The following TRPA1 variants were observed in gnomAD, a reference collection of about 807,000 sequenced individuals.
TRPA1 encodes the protein ankyrin-like with transmembrane domains 1.
A neutral mutation model predicts 131.3 loss-of-function variants in TRPA1; 129 were observed. The observed-to-expected ratio is 0.98, with a 90% confidence interval of 0.85 to 1.14. The LOEUF is 1.14. TRPA1 is among the 50% of genes most tolerant of loss of function. TRPA1 has a pLI of 0.00. For synonymous variants in TRPA1, 441 were observed against 451.7 expected, an observed-to-expected ratio of 0.98 and a Z score of 0.30; for missense variants, 1,304 against 1,354.2, an observed-to-expected ratio of 0.96 and a Z score of 0.58.
At position 72,033,641 on chromosome 8, in the gene TRPA1, T is replaced by A. The variant is rs1220338228; in HGVS notation, c.2868+3A>T. 1 of 1,612,322 alleles carries A rather than the reference T, an allele frequency of 6.2e-7. No homozygotes were observed. Among genetic ancestry groups the A allele is most frequent in the South Asian group, 1.1e-5 (1 of 90,868 alleles). On this transcript the variant is annotated splice_donor_region_variant and intron_variant, in intron 23 of 26. Coordinates refer to ENST00000262209, the MANE Select transcript of TRPA1 (RefSeq NM_007332.3). ...ACAGAAAATATAAGAAAAAACTACT[T>A]ACAAGTAAATTCATGAGGACAATTG...
At chr8:72,083,083 A>C in the TRPA1 span, among the ~76,000 whole-genome samples, 6 of 151,992 alleles carry the variant, frequency 3.9e-5, no homozygotes, top group East Asian at 1.2e-3. Context: ...CCTACTAGTA[A>C]ATTTTTCATT....
At position 72,071,806 on chromosome 8, in the gene TRPA1, C is replaced by G. The variant is rs16937976; in HGVS notation, c.173G>C (p.Arg58Thr). ...QNFNKQKKLK[R>T]CDDMDTFFLH... ...GAAGAAGGTGTCCATATCGTCACAT[C>G]TTTTTAATTTCTTTTGCTTATTAAA... The change falls in exon 2 of 27, where the codon AGA becomes ACA. Residue 58 changes from arginine to threonine, a missense_variant. Coordinates refer to ENST00000262209, the MANE Select transcript of TRPA1 (RefSeq NM_007332.3). 237,710 of 1,612,664 alleles carry G rather than the reference C, an allele frequency of 0.15. 18,681 individuals carry two copies. Among genetic ancestry groups the G allele is most frequent in the Middle Eastern group, 0.24 (1,364 of 5,658 alleles).
intron 7 of TRPA1, 31 bp from the exon 8 acceptor site, chr8:72,059,469 T>C: frequency 7.4e-7 from 1 of 1,346,458 alleles, no homozygotes; most frequent in East Asian, 2.3e-5. Context: ...ACATTATAAT[T>C]AAAGTACTAT....
chr8:72,047,165 A>T lies in TRPA1; in HGVS notation c.1948T>A (p.Ser650Thr), dbSNP rs1256626046. The change falls in exon 16 of 27, where the codon TCC (serine) becomes ACC (threonine). Residue 650 changes from serine to threonine, a missense_variant. Ser to Thr is a moderately conservative substitution (Grantham distance 58, BLOSUM62 1). Transcript: ENST00000262209. ...AAACTTACATAATAGTCTCGGCAGG[A>T]CTTGTCTTCTGTGGAATGCAACATG... ...FCMLHSTEDK[S>T]CRDYYIEYNF... 6.2e-7 allele frequency: 1 copy of T among 1,610,388 alleles called. No homozygotes were observed. Among genetic ancestry groups the T allele is most frequent in the South Asian group, 1.1e-5 (1 of 90,824 alleles).
the TRPA1 span, among the ~76,000 whole-genome samples, chr8:72,088,231 T>C: frequency 4.6e-5 from 7 of 152,250 alleles, no homozygotes; most frequent in Non-Finnish European, 1.0e-4. Context: ...GTTTAGTTCA[T>C]GTTTTGCTTC....
the TRPA1 span, among the ~76,000 whole-genome samples, chr8:72,085,283 T>C: frequency 0.038 from 5,831 of 152,248 alleles, 373 homozygotes; most frequent in African/African-American, 0.13. Context: ...ATTAGCTAAA[T>C]CTTATCAATT....
At chr8:72,068,532 A>G (rs1046002896) in intron 3 of TRPA1, among the ~76,000 whole-genome samples, 7 of 152,224 alleles carry the variant, frequency 4.6e-5, no homozygotes, top group Admixed American at 3.9e-4. Context: ...AATCATAATT[A>G]TGTTTTCTGT....
chr8:72,050,742 A>C (rs1328149241), intron 15 of TRPA1, 36 bp downstream of exon 15: 4 of 1,371,760 alleles, frequency 2.9e-6, no homozygotes, highest in Non-Finnish European at 4.2e-6. Context: ...TATGTCAAGC[A>C]TAAACCCGGG....
chr8:72,059,745 T>G (rs1805762999), intron 7 of TRPA1, among the ~76,000 whole-genome samples: 1 of 152,160 alleles, frequency 6.6e-6, no homozygotes, highest in Non-Finnish European at 1.5e-5. Context: ...TGTCCCAAGA[T>G]AGAAAAGACA....
upstream of TRPA1, chr8:72,075,598 G>A (rs568799632): frequency 2.2e-4 from 131 of 606,282 alleles, 3 homozygotes; most frequent in South Asian, 2.3e-3. Flanking sequence ...GAGTTCTCAG[G>A]CCCGCGCTAC....
At chr8:72,078,772 C>G (rs1387279890), upstream of TRPA1, among the ~76,000 whole-genome samples, 1 of 151,846 alleles carries the variant, frequency 6.6e-6, no homozygotes, top group Non-Finnish European at 1.5e-5. Flanking sequence ...AGAGAGATAC[C>G]TAGTAGTGGA....
intron 10 of TRPA1, chr8:72,056,200 C>T (rs1020280984): frequency 2.7e-5 from 9 of 332,378 alleles, no homozygotes; most frequent in Non-Finnish European, 5.1e-5. Context: ...CCTCCCACCC[C>T]CAAATAACAC....
intron 17 of TRPA1, among the ~76,000 whole-genome samples, chr8:72,045,505 C>T (rs78953412): frequency 0.02 from 3,067 of 150,290 alleles, 123 homozygotes; most frequent in African/African-American, 0.07. Context: ...AAATTTTTAA[C>T]TTTATTTAAT....
At position 72,056,981 on chromosome 8, in the gene TRPA1, T is replaced by G; in HGVS notation, c.1130A>C (p.Asn377Thr). The stretch of plus-strand genomic sequence containing the variant: ...TTGCTGTACAGTTAAATGCAGAAAA[T>G]TACGTCCAAAATTATCTTTTATGTC... Reference protein sequence around the residue: ...QVDIKDNFGRNFLHLTVQQPY... With the variant: ...QVDIKDNFGRTFLHLTVQQPY... Residue 377 changes from asparagine (N) to threonine (T), a missense_variant, in exon 10 of 27, where the codon AAT becomes ACT. Physicochemically the swap from Asn to Thr is moderately conservative, Grantham distance 65. Coordinates refer to ENST00000262209, the MANE Select transcript of TRPA1 (RefSeq NM_007332.3). The G allele has an allele frequency of 6.2e-7, 1 of 1,609,534 alleles. No individual in the cohort carries two copies. Among genetic ancestry groups the G allele is most frequent in the South Asian group, 1.1e-5 (1 of 90,230 alleles).
chr8:72,040,505 G>A (rs765674111), intron 17 of TRPA1, among the ~76,000 whole-genome samples: 14 of 152,122 alleles, frequency 9.2e-5, no homozygotes, highest in Non-Finnish European at 1.3e-4. Context: ...CAGATCCTCC[G>A]TCTGGCAAAG....
intron 10 of TRPA1, chr8:72,056,337 ATT>A (rs1489978936): frequency 5.9e-6 from 1 of 168,116 alleles, no homozygotes; most frequent in Non-Finnish European, 1.3e-5. Context: ...AAGCCTATCA[ATT>A]AATATTTTGT....
In TRPA1 at chr8:72,050,769, A is replaced by C. The variant is rs780700920; in HGVS notation, c.1905+9T>G. The C allele has an allele frequency of 1.3e-6, 2 of 1,587,914 alleles. No homozygotes were observed. Among genetic ancestry groups the C allele is most frequent in the South Asian group, 2.2e-5 (2 of 90,528 alleles). On this transcript the variant is annotated intron_variant, in intron 15 of 26. Coordinates refer to ENST00000262209, the MANE Select transcript of TRPA1 (RefSeq NM_007332.3). The stretch of plus-strand genomic sequence containing the variant: ...AAACCCGGGAAGAATTTTGTTTTAG[A>C]GAATTTACCTTCATGCATTCAGGGA...
chr8:72,061,015 C>T (rs16937954), intron 7 of TRPA1, among the ~76,000 whole-genome samples: 16,697 of 152,092 alleles, frequency 0.11, 1,161 homozygotes, highest in Admixed American at 0.23. Context: ...ACCTCTTTCA[C>T]TCACATGGGT....
chr8:72,070,811 G>C (rs1806043047), intron 2 of TRPA1, among the ~76,000 whole-genome samples: 1 of 152,104 alleles, frequency 6.6e-6, no homozygotes, highest in African/African-American at 2.4e-5. Flanking sequence ...GCTCCTGTAG[G>C]GCAGGCCCTT....
Sources: allele counts gnomAD v4.1 joint callset (sites outside exome capture counted in the v4.1 genomes callset), GRCh38; gene constraint gnomAD v4.1.1; transcripts MANE v1.5; gene names NCBI Gene and HGNC (gene_info 2026-07-23, HGNC 2026-07-21).